KCNAB2: variants seen among roughly 807,000 people sequenced by gnomAD.
KCNAB2 encodes voltage-gated potassium channel subunit beta-2.
Under a neutral mutation model 63.6 loss-of-function variants are expected in KCNAB2, and 29 were observed. The observed-to-expected ratio is 0.46, with a 90% confidence interval of 0.34 to 0.62. KCNAB2 has a LOEUF of 0.62. Ranked by LOEUF, KCNAB2 falls within the 20% of genes least tolerant of loss-of-function variation. KCNAB2 has a pLI of 0.01. For missense variants in KCNAB2, 359 were observed against 563.9 expected (o/e 0.64, Z 3.68); for synonymous variants, 222 against 224.2 (o/e 0.99, Z 0.09).
At chr1:6,097,455 T>C (rs1346563914) in intron 15 of KCNAB2, 98 bp downstream of exon 15, 1 of 1,540,644 alleles carries the variant, frequency 6.5e-7, no homozygotes, top group Non-Finnish European at 8.7e-7. Flanking sequence ...GGCTCTGTTC[T>C]AGGCACTCAG....
In KCNAB2 at chr1:6,040,414, A is replaced by C. The variant is rs1191651170; in HGVS notation, c.-52-103A>C. 4 of 667,070 alleles carry C rather than the reference A, an allele frequency of 6.0e-6. No homozygotes were observed. In the Admixed American group the frequency reaches 9.2e-5, roughly 15 times the overall value. 41.3% of individuals were successfully genotyped at this position (667,070 alleles called of 1,614,324 possible). The stretch of plus-strand genomic sequence containing the variant: ...GGGCTCCCCGATGCCCTGAACCCAG[A>C]CAGCCTCCTCAGCCTTTGTGATCCC... On this transcript the variant is annotated intron_variant, in intron 1 of 15. Transcript: ENST00000164247.
chr1:6,078,610 G>A lies in KCNAB2; in HGVS notation c.301-3585G>A, dbSNP rs1240306641. Reference sequence around the variant, plus strand: ...TGCAGGGGATAGAGCTGGGGGTCAGGGTGCAGATCTGGTGGAGACTTTGGC... The same window carrying A: ...TGCAGGGGATAGAGCTGGGGGTCAGAGTGCAGATCTGGTGGAGACTTTGGC... On this transcript the variant is annotated intron_variant, in intron 4 of 15. Coordinates refer to ENST00000378083, the MANE Select transcript of KCNAB2 (RefSeq NM_001199862.2). The surrounding 1 kb of genome is among the most constrained non-coding windows in gnomAD (Gnocchi z 4.2). 6.6e-6 allele frequency among the ~76,000 whole-genome samples: 1 copy of A among 152,128 alleles called. No individual in the cohort carries two copies. The highest frequency in any genetic ancestry group is 1.5e-5 in the Non-Finnish European group (1 of 68,032).
rs952955762 is a variant in KCNAB2 at position 6,035,317 on chromosome 1, G to C, written c.-53+523G>C. 1.3e-5 allele frequency among the ~76,000 whole-genome samples: 2 copies of C among 152,210 alleles called. No individual in the cohort carries two copies. Among genetic ancestry groups the C allele is most frequent in the Non-Finnish European group, 2.9e-5 (2 of 68,036 alleles). On this transcript the variant is annotated intron_variant, in intron 1 of 15. Coordinates refer to the KCNAB2 transcript ENST00000164247. This position sits in a 1 kb window ranked among gnomAD's most constrained non-coding sequence, Gnocchi z 5.0. Reference sequence around the variant, plus strand: ...TTGGACTTTGGCTCTGAATGGAATGGAAGCCATTGGAAGGTTTGGAGTGAA... The same window carrying C: ...TTGGACTTTGGCTCTGAATGGAATGCAAGCCATTGGAAGGTTTGGAGTGAA...
rs1305859536 is a variant in KCNAB2, at chr1:6,003,765, A to G, written c.-53+10977A>G. 1.3e-5 allele frequency among the ~76,000 whole-genome samples: 2 copies of G among 152,018 alleles called. No individual in the cohort carries two copies. The highest frequency in any genetic ancestry group is 2.9e-5 in the Non-Finnish European group (2 of 68,016). ...GTCTCCTCGTCGTCGTTTCACCGCAACCTCGCCAGCAATGAGTATTTTCAT... is the reference window on the plus strand; with the variant it reads ...GTCTCCTCGTCGTCGTTTCACCGCAGCCTCGCCAGCAATGAGTATTTTCAT... On this transcript the variant is annotated intron_variant, in intron 1 of 16. Coordinates refer to the KCNAB2 transcript ENST00000341524. This position sits in a 1 kb window ranked among gnomAD's most constrained non-coding sequence, Gnocchi z 4.1.
chr1:6,008,622 CA>C (rs141192143), intron 1 of KCNAB2, among the ~76,000 whole-genome samples: 36 of 137,768 alleles, frequency 2.6e-4, no homozygotes, highest in Middle Eastern at 3.8e-3. Context: ...GAGACTGTCT[CA>C]AAAAAAAAAA....
chr1:6,044,338 C>T (rs1489832275), upstream of KCNAB2, among the ~76,000 whole-genome samples: 1 of 152,088 alleles, frequency 6.6e-6, no homozygotes, highest in Non-Finnish European at 1.5e-5. Flanking sequence ...CATTTGGGGT[C>T]CAAGGAAGGA....
In KCNAB2 at chr1:6,094,384, C is replaced by T; in HGVS notation, c.647-16C>T. 2 of 1,601,816 alleles carry T rather than the reference C, an allele frequency of 1.2e-6. No individual in the cohort carries two copies. Among genetic ancestry groups the T allele is most frequent in the Non-Finnish European group, 1.7e-6 (2 of 1,174,506 alleles). ...TGGCTGCCCCCCACCTGCGGTTTCCCTTTCTCTCACGACAGAGACCGTCCG... is the reference window on the plus strand; with the variant it reads ...TGGCTGCCCCCCACCTGCGGTTTCCTTTTCTCTCACGACAGAGACCGTCCG... On this transcript the variant is annotated splice_polypyrimidine_tract_variant and intron_variant, in intron 10 of 15. Coordinates refer to ENST00000378083, the MANE Select transcript of KCNAB2 (RefSeq NM_001199862.2).
At chr1:6,072,710 G>C in intron 2 of KCNAB2, 45 bp from the exon 3 acceptor site, 1 of 1,609,292 alleles carries the variant, frequency 6.2e-7, no homozygotes, top group Non-Finnish European at 8.5e-7. Flanking sequence ...TGGCTGGCAG[G>C]GTCCTGCCTG....
chr1:6,013,412 G>A (rs1399916785), intron 1 of KCNAB2, among the ~76,000 whole-genome samples: 2 of 152,154 alleles, frequency 1.3e-5, no homozygotes, highest in African/African-American at 2.4e-5. Context: ...ATCCCAGGTA[G>A]AGGGATCTGA....
intron 1 of KCNAB2, among the ~76,000 whole-genome samples, chr1:6,005,623 A>G (rs1657622219): frequency 6.6e-6 from 1 of 151,762 alleles, no homozygotes; most frequent in Non-Finnish European, 1.5e-5. Context: ...TTGTAGTTGG[A>G]AGGCAGCACA....
intron 1 of KCNAB2, among the ~76,000 whole-genome samples, chr1:6,004,583 C>A (rs566192588): frequency 6.6e-6 from 1 of 151,422 alleles, no homozygotes; most frequent in South Asian, 2.1e-4. Context: ...AAACACCCCC[C>A]CGAGATTCTG....
intron 1 of KCNAB2, among the ~76,000 whole-genome samples, chr1:5,995,632 G>C (rs1338686552): frequency 6.6e-6 from 1 of 152,216 alleles, no homozygotes; most frequent in Non-Finnish European, 1.5e-5. Flanking sequence ...CCTTCAAAGA[G>C]ATGGCCCCAT....
At chr1:5,999,135 C>T (rs774630094) in intron 1 of KCNAB2, among the ~76,000 whole-genome samples, 5 of 152,354 alleles carry the variant, frequency 3.3e-5, no homozygotes, top group African/African-American at 7.2e-5. Context: ...TGGGGACACC[C>T]GTGAACTGCG....
At position 6,099,829 on chromosome 1, in the gene KCNAB2, G is replaced by A; in HGVS notation, c.*1255G>A. 6.5e-7 allele frequency: 1 copy of A among 1,538,582 alleles called. No individual in the cohort carries two copies. Among genetic ancestry groups the A allele is most frequent in the Non-Finnish European group, 8.8e-7 (1 of 1,140,862 alleles). ...GACACCTGGGACAGGCTGGGCAGAG[G>A]GGAGAGAGGGCAGGACAGGCCAGAG... On this transcript the variant is annotated 3_prime_UTR_variant, in exon 16 of 16. Coordinates refer to ENST00000378083, the MANE Select transcript of KCNAB2 (RefSeq NM_001199862.2).
In KCNAB2 at chr1:6,096,625, C is replaced by T. The variant is rs1479269401; in HGVS notation, c.949-11C>T. On this transcript the variant is annotated splice_polypyrimidine_tract_variant and intron_variant, in intron 13 of 15. Coordinates refer to ENST00000378083, the MANE Select transcript of KCNAB2 (RefSeq NM_001199862.2). The surrounding 1 kb of genome is among the most constrained non-coding windows in gnomAD (Gnocchi z 5.9). ...ATCTGTAGCTGTGCTGCTCCCCTCC[C>T]CCGCAACCAGGGCTACCAGTGGCTG... 1 of 1,608,722 alleles carries T rather than the reference C, an allele frequency of 6.2e-7. No individual in the cohort carries two copies. Among genetic ancestry groups the T allele is most frequent in the African/African-American group, 1.3e-5 (1 of 74,870 alleles).
rs1043946469 is a variant in KCNAB2 at position 6,071,196 on chromosome 1, G to A, written c.219-1559G>A. Among the ~76,000 whole-genome samples, 3 of 152,196 alleles carry A rather than the reference G, an allele frequency of 2.0e-5. No homozygotes were observed. The highest frequency in any genetic ancestry group is 2.0e-4 in the Admixed American group (3 of 15,280). On this transcript the variant is annotated intron_variant, in intron 2 of 15. Transcript: ENST00000378083. The surrounding 1 kb of genome is among the most constrained non-coding windows in gnomAD (Gnocchi z 8.5). Reference sequence around the variant, plus strand: ...TGAGCCCCATGCCGCCTTCCCAGGGGCCAGGCTTGGACAGGAAAGAGGATA... The same window carrying A: ...TGAGCCCCATGCCGCCTTCCCAGGGACCAGGCTTGGACAGGAAAGAGGATA...
chr1:6,090,571 G>A (rs1665104636), intron 9 of KCNAB2, 96 bp downstream of exon 9: 3 of 941,760 alleles, frequency 3.2e-6, no homozygotes, highest in Non-Finnish European at 5.0e-6. Flanking sequence ...GGCCCTGCTG[G>A]GCACCCGGGT....
intron 15 of KCNAB2, chr1:6,097,762 G>C (rs1665770834): frequency 4.6e-6 from 2 of 431,016 alleles, no homozygotes; most frequent in Non-Finnish European, 8.2e-6. Context: ...CCACCAGCAG[G>C]AAGAGTTGAT....
At chr1:5,997,560 C>G (rs1026340803) in intron 1 of KCNAB2, among the ~76,000 whole-genome samples, 1 of 152,232 alleles carries the variant, frequency 6.6e-6, no homozygotes, top group African/African-American at 2.4e-5. Context: ...CATGCTCCCC[C>G]TCCTTCACCA....
Sources: gnomAD v4.1 joint callset for allele counts (sites outside exome capture counted in the v4.1 genomes callset) on GRCh38, gnomAD v4.1.1 for gene constraint, Gnocchi (gnomAD v3.1) non-coding constraint, MANE v1.5 for transcripts, NCBI Gene and HGNC (gene_info 2026-07-23, HGNC 2026-07-21) for gene names.